The following MGMT variants were observed in gnomAD, a reference collection of about 807,000 sequenced individuals.
MGMT encodes O-6-methylguanine-DNA methyltransferase, also known as methylated-DNA--protein-cysteine methyltransferase.
Under a neutral mutation model 15.9 loss-of-function variants are expected in MGMT, and 14 were observed. The observed-to-expected ratio is 0.88, with a 90% confidence interval of 0.58 to 1.37. The LOEUF (loss-of-function observed/expected upper bound fraction) is 1.37. Ranked by LOEUF, MGMT falls within the 40% of genes most tolerant of loss-of-function variation. The pLI is 0.00. For synonymous variants in MGMT, 130 were observed against 118.2 expected, an observed-to-expected ratio of 1.10 and a Z score of -0.65; for missense variants, 282 against 268.1, an observed-to-expected ratio of 1.05 and a Z score of -0.36.
chr10:129,509,464 G>A lies in MGMT; in HGVS notation c.-12-26777G>A, dbSNP rs138715587. Reference sequence around the variant, plus strand: ...TTCGGATTTCCTTGTGTCCTTGTGCGATTTCTATAGAAAAAGGTGTGTTTT... The same window carrying A: ...TTCGGATTTCCTTGTGTCCTTGTGCAATTTCTATAGAAAAAGGTGTGTTTT... On this transcript the variant is annotated intron_variant, in intron 1 of 4. Transcript: ENST00000651593. Among the ~76,000 whole-genome samples, 880 of 152,226 alleles carry A rather than the reference G, an allele frequency of 5.8e-3. 2 individuals are homozygous for A. The highest frequency in any genetic ancestry group is 8.7e-3 in the Non-Finnish European group (590 of 68,028).
intron 1 of MGMT, among the ~76,000 whole-genome samples, chr10:129,480,126 C>T (rs987366309): frequency 6.6e-6 from 1 of 152,168 alleles, no homozygotes; most frequent in Non-Finnish European, 1.5e-5. Flanking sequence ...GCTAGCTTCT[C>T]CTGCTTCATT....
intron 2 of MGMT, among the ~76,000 whole-genome samples, chr10:129,572,489 C>T (rs939915383): frequency 2.0e-5 from 3 of 152,206 alleles, no homozygotes; most frequent in African/African-American, 7.2e-5. Flanking sequence ...CTCAGAGTGT[C>T]TTCTGAGTAG....
At chr10:129,725,342 T>A (rs1020720384) in intron 3 of MGMT, among the ~76,000 whole-genome samples, 20 of 152,218 alleles carry the variant, frequency 1.3e-4, no homozygotes, top group African/African-American at 4.6e-4. Flanking sequence ...AGACCAGGCA[T>A]GTGGGTCAGC....
intron 2 of MGMT, among the ~76,000 whole-genome samples, chr10:129,569,046 C>T (rs1195847524): frequency 6.6e-6 from 1 of 152,198 alleles, no homozygotes; most frequent in East Asian, 1.9e-4. Context: ...CATTCATCTC[C>T]CCACAGGGTA....
chr10:129,649,305 T>C (rs1219597465), intron 2 of MGMT, among the ~76,000 whole-genome samples: 4 of 152,174 alleles, frequency 2.6e-5, no homozygotes, highest in Non-Finnish European at 4.4e-5. Context: ...GGACCACTTT[T>C]TGTGATTGAT....
intron 2 of MGMT, among the ~76,000 whole-genome samples, chr10:129,633,376 G>A (rs1027634412): frequency 6.6e-6 from 1 of 152,122 alleles, no homozygotes; most frequent in Non-Finnish European, 1.5e-5. Context: ...TCCGTTAAGT[G>A]AAAAAGCAGA....
chr10:129,505,584 A>G (rs1845617082), intron 1 of MGMT, among the ~76,000 whole-genome samples: 1 of 152,170 alleles, frequency 6.6e-6, no homozygotes, highest in African/African-American at 2.4e-5. Flanking sequence ...TTCTTTAAAA[A>G]TGGTTGAGTT....
intron 2 of MGMT, among the ~76,000 whole-genome samples, chr10:129,613,967 C>T (rs1846991786): frequency 1.3e-5 from 2 of 152,090 alleles, no homozygotes; most frequent in East Asian, 3.9e-4. Flanking sequence ...ATAAAATTTC[C>T]CACCTTCACC....
intron 2 of MGMT, among the ~76,000 whole-genome samples, chr10:129,585,522 A>G (rs1394023969): frequency 1.3e-5 from 2 of 152,224 alleles, no homozygotes; most frequent in East Asian, 3.8e-4. Context: ...AGCCTCTTAT[A>G]TAAAATGGCA....
At chr10:129,572,492 C>T (rs1038653343) in intron 2 of MGMT, among the ~76,000 whole-genome samples, 1 of 152,188 alleles carries the variant, frequency 6.6e-6, no homozygotes, top group Non-Finnish European at 1.5e-5. Context: ...AGAGTGTCTT[C>T]TGAGTAGTTG....
intron 1 of MGMT, among the ~76,000 whole-genome samples, chr10:129,520,212 T>C: frequency 6.6e-6 from 1 of 152,222 alleles, no homozygotes; most frequent in East Asian, 1.9e-4. Flanking sequence ...TTTCCTGAAA[T>C]GGGCCAGGCC....
At chr10:129,510,294 G>A (rs776506409) in intron 1 of MGMT, among the ~76,000 whole-genome samples, 2 of 152,216 alleles carry the variant, frequency 1.3e-5, no homozygotes, top group Non-Finnish European at 2.9e-5. Context: ...TGGGGAAAAC[G>A]CTGGAATTGA....
intron 3 of MGMT, among the ~76,000 whole-genome samples, chr10:129,726,342 C>T (rs964269576): frequency 6.6e-6 from 1 of 152,116 alleles, no homozygotes; most frequent in African/African-American, 2.4e-5. Context: ...GGGCCACGTG[C>T]AGGTGGAGTC....
intron 2 of MGMT, among the ~76,000 whole-genome samples, chr10:129,612,422 G>A (rs968290332): frequency 3.9e-5 from 6 of 152,242 alleles, no homozygotes; most frequent in Non-Finnish European, 7.3e-5. Context: ...CCTGGCTGCG[G>A]AGGAAGTCCA....
chr10:129,664,015 A>G (rs957584165), intron 2 of MGMT, among the ~76,000 whole-genome samples: 1 of 152,218 alleles, frequency 6.6e-6, no homozygotes, highest in Non-Finnish European at 1.5e-5. Flanking sequence ...TTGTAAGGAA[A>G]ATAAAAACTA....
intron 2 of MGMT, among the ~76,000 whole-genome samples, chr10:129,543,646 G>A (rs1178540156): frequency 5.3e-5 from 8 of 152,108 alleles, no homozygotes; most frequent in Admixed American, 5.2e-4. Context: ...ATTTAAACAA[G>A]TGTCACTGAG....
intron 2 of MGMT, among the ~76,000 whole-genome samples, chr10:129,671,347 T>G (rs768223704): frequency 6.6e-6 from 1 of 152,198 alleles, no homozygotes; most frequent in African/African-American, 2.4e-5. Flanking sequence ...CAGCAGAAAT[T>G]AGCAAATGCT....
chr10:129,520,215 G>T (rs1053080646), intron 1 of MGMT, among the ~76,000 whole-genome samples: 1 of 152,124 alleles, frequency 6.6e-6, no homozygotes, highest in Non-Finnish European at 1.5e-5. Flanking sequence ...CCTGAAATGG[G>T]CCAGGCCAGA....
intron 2 of MGMT, among the ~76,000 whole-genome samples, chr10:129,638,470 C>T (rs938034092): frequency 6.4e-5 from 6 of 94,354 alleles, no homozygotes; most frequent in South Asian, 2.8e-4. Context: ...AAATAACTGA[C>T]GTCTATCTAG....
Sources: allele counts gnomAD v4.1 joint callset (sites outside exome capture counted in the v4.1 genomes callset), GRCh38; gene constraint gnomAD v4.1.1; transcripts MANE v1.5; gene names NCBI Gene and HGNC (gene_info 2026-07-23, HGNC 2026-07-21).